The following ATF6 variants were observed in gnomAD, a reference collection of about 807,000 sequenced individuals.
ATF6 encodes cyclic AMP-dependent transcription factor ATF-6 alpha.
A neutral mutation model predicts 83.6 loss-of-function variants in ATF6; 53 were observed. The ratio of observed to expected loss-of-function variants is 0.63; its 90% CI spans 0.51 to 0.80. ATF6 has a LOEUF of 0.80. Ranked by LOEUF, ATF6 falls within the 30% of genes least tolerant of loss-of-function variation. ATF6 has a pLI of 0.00. For missense variants in ATF6, 744 were observed against 797.9 expected (o/e 0.93, Z 0.81); for synonymous variants, 288 against 285.8 (o/e 1.01, Z -0.08).
intron 4 of ATF6, among the ~76,000 whole-genome samples, chr1:161,789,252 CTTT>C (rs71755584): frequency 2.0e-5 from 2 of 101,364 alleles, no homozygotes; most frequent in Non-Finnish European, 3.7e-5. Context: ...ATTCCTTCTC[CTTT>C]TTTTTTTTTT....
At chr1:161,837,182 A>G (rs1337329021) in intron 9 of ATF6, among the ~76,000 whole-genome samples, 2 of 152,238 alleles carry the variant, frequency 1.3e-5, no homozygotes, top group Non-Finnish European at 2.9e-5. Flanking sequence ...TAAGGGTAGT[A>G]TAGGATACTT....
At position 161,846,424 on chromosome 1, in the gene ATF6, A is replaced by G. The variant is rs375934201; in HGVS notation, c.1188-25A>G. 846 of 1,591,412 alleles carry G rather than the reference A, an allele frequency of 5.3e-4. 2 individuals carry two copies. The highest frequency in any genetic ancestry group is 6.6e-4 in the Non-Finnish European group (767 of 1,169,130). ...TGTGTGACATATTTTTATTTCAGCTATTATTTCCTGTTTTTTATTTTCAGC... is the reference window on the plus strand; with the variant it reads ...TGTGTGACATATTTTTATTTCAGCTGTTATTTCCTGTTTTTTATTTTCAGC... On this transcript the variant is annotated intron_variant, in intron 9 of 15. Coordinates refer to ENST00000367942, the MANE Select transcript of ATF6 (RefSeq NM_007348.4).
At chr1:161,780,804 G>C (rs567045060) in intron 2 of ATF6, among the ~76,000 whole-genome samples, 11 of 152,138 alleles carry the variant, frequency 7.2e-5, no homozygotes, top group Non-Finnish European at 1.5e-4. Context: ...CCATCTTTTG[G>C]ACTCAAGCGA....
At chr1:161,769,407 A>G (rs949521164) in intron 1 of ATF6, among the ~76,000 whole-genome samples, 5 of 152,144 alleles carry the variant, frequency 3.3e-5, no homozygotes, top group African/African-American at 1.2e-4. Flanking sequence ...TTGATACATT[A>G]TTATTAACTA....
chr1:161,942,427 G>T (rs1474828404), intron 15 of ATF6, among the ~76,000 whole-genome samples: 1 of 152,210 alleles, frequency 6.6e-6, no homozygotes, highest in Non-Finnish European at 1.5e-5. Context: ...AGAGGTGTGT[G>T]TTGCATGTGA....
At chr1:161,926,670 T>G (rs142369136) in intron 15 of ATF6, among the ~76,000 whole-genome samples, 1 of 152,222 alleles carries the variant, frequency 6.6e-6, no homozygotes, top group East Asian at 1.9e-4. Context: ...TGTACAAGGG[T>G]ATGAATACCA....
chr1:161,911,861 C>T (rs1558021825), intron 14 of ATF6, among the ~76,000 whole-genome samples: 1 of 152,156 alleles, frequency 6.6e-6, no homozygotes, highest in African/African-American at 2.4e-5. Flanking sequence ...AGGGGAGATA[C>T]TCTCAGTATC....
chr1:161,938,489 G>C (rs1030894404), intron 15 of ATF6, among the ~76,000 whole-genome samples: 1 of 152,158 alleles, frequency 6.6e-6, no homozygotes, highest in Admixed American at 6.5e-5. Flanking sequence ...AGATTTCAAG[G>C]AAATGGTCAT....
At chr1:161,876,582 A>G (rs963399823) in intron 14 of ATF6, among the ~76,000 whole-genome samples, 4 of 151,964 alleles carry the variant, frequency 2.6e-5, no homozygotes, top group Non-Finnish European at 4.4e-5. Flanking sequence ...TGAACTCTAC[A>G]TGATTGGTTT....
At chr1:161,829,111 G>A (rs138030040) in intron 9 of ATF6, among the ~76,000 whole-genome samples, 1,961 of 151,630 alleles carry the variant, frequency 0.013, 47 homozygotes, top group African/African-American at 0.044. Context: ...CATCCAATGC[G>A]GGAGCACCCA....
chr1:161,846,204 ATTG>A (rs2101818808), intron 9 of ATF6, among the ~76,000 whole-genome samples: 1 of 152,296 alleles, frequency 6.6e-6, no homozygotes, highest in Non-Finnish European at 1.5e-5. Flanking sequence ...GAACACTACT[ATTG>A]TTTAAACAGT....
chr1:161,770,842 C>A (rs1684367463), intron 1 of ATF6, among the ~76,000 whole-genome samples: 1 of 152,168 alleles, frequency 6.6e-6, no homozygotes, highest in African/African-American at 2.4e-5. Context: ...GGGTAAATAT[C>A]AAGGAGCACA....
intron 15 of ATF6, among the ~76,000 whole-genome samples, chr1:161,944,705 C>T (rs543174246): frequency 9.8e-5 from 15 of 152,342 alleles, no homozygotes; most frequent in African/African-American, 3.6e-4. Flanking sequence ...AAGCTCTCAC[C>T]ACTGCCTCCT....
intron 15 of ATF6, among the ~76,000 whole-genome samples, chr1:161,931,828 T>C (rs1352073488): frequency 6.6e-6 from 1 of 152,234 alleles, no homozygotes; most frequent in Non-Finnish European, 1.5e-5. Flanking sequence ...GAGTTTGTCT[T>C]TTCACTTTCT....
chr1:161,857,467 A>G (rs944596232), intron 12 of ATF6, among the ~76,000 whole-genome samples: 2 of 152,220 alleles, frequency 1.3e-5, no homozygotes, highest in Non-Finnish European at 2.9e-5. Context: ...AAAATTAATG[A>G]AATATCTTTC....
intron 13 of ATF6, among the ~76,000 whole-genome samples, chr1:161,862,375 A>G (rs1686903933): frequency 1.3e-5 from 2 of 152,212 alleles, no homozygotes; most frequent in Admixed American, 1.3e-4. Context: ...GCATTTTTAC[A>G]GGATCCCTTT....
rs149470836 is a variant in ATF6, at chr1:161,936,516, T to A, written c.1805-21930T>A. Among the ~76,000 whole-genome samples the A allele has an allele frequency of 2.6e-4, 40 of 152,326 alleles. No individual in the cohort carries two copies. The East Asian group carries it at 7.7e-3, about 29-fold the overall frequency. ...GTTACAGATGTTTTTCAAACATGTC[T>A]CTGTTCTACCCTATCTCTCTCATCA... On this transcript the variant is annotated intron_variant, in intron 15 of 15. Coordinates refer to ENST00000367942, the MANE Select transcript of ATF6 (RefSeq NM_007348.4).
chr1:161,926,281 C>G (rs1164933106), intron 15 of ATF6, among the ~76,000 whole-genome samples: 1 of 152,158 alleles, frequency 6.6e-6, no homozygotes, highest in Non-Finnish European at 1.5e-5. Flanking sequence ...ACTCCAAAAC[C>G]TAGCAGCTGA....
chr1:161,807,922 C>T (rs1685341701), intron 7 of ATF6, among the ~76,000 whole-genome samples: 1 of 113,436 alleles, frequency 8.8e-6, no homozygotes, highest in Admixed American at 1.1e-4. Flanking sequence ...CTCTGTTGCC[C>T]AGGCTGGAGT....
Sources: allele counts gnomAD v4.1 joint callset (sites outside exome capture counted in the v4.1 genomes callset), GRCh38; gene constraint gnomAD v4.1.1; transcripts MANE v1.5; gene names NCBI Gene and HGNC (gene_info 2026-07-23, HGNC 2026-07-21).